The following PPP3CC variants were observed in gnomAD, a reference collection of about 807,000 sequenced individuals.
PPP3CC encodes serine/threonine-protein phosphatase 2B catalytic subunit gamma isoform.
A neutral mutation model predicts 60.3 loss-of-function variants in PPP3CC; 35 were observed. That is an observed-to-expected ratio of 0.58 (90% confidence interval 0.44 to 0.77). PPP3CC has a LOEUF of 0.77. Ranked by LOEUF, PPP3CC falls within the 30% of genes least tolerant of loss-of-function variation. The pLI, the probability that PPP3CC is intolerant of heterozygous loss-of-function variation, is 0.00. For missense variants in PPP3CC, 570 were observed against 628.9 expected (o/e 0.91, Z 1.00); for synonymous variants, 206 against 224.3 (o/e 0.92, Z 0.73).
chr8:22,511,322 CTCTT>C, intron 5 of PPP3CC, 91 bp downstream of exon 5: 1 of 1,351,888 alleles, frequency 7.4e-7, no homozygotes, highest in Non-Finnish European at 1.0e-6. Context: ...CAGAGTCTCT[CTCTT>C]TCACCCGGGC....
chr8:22,519,707 T>A (rs1393169180), intron 6 of PPP3CC, among the ~76,000 whole-genome samples: 1 of 152,166 alleles, frequency 6.6e-6, no homozygotes, highest in Non-Finnish European at 1.5e-5. Flanking sequence ...TAGGCTGGAG[T>A]GCAGTGGTGC....
At chr8:22,449,443 A>C (rs1409486499) in intron 1 of PPP3CC, among the ~76,000 whole-genome samples, 38 of 79,756 alleles carry the variant, frequency 4.8e-4, no homozygotes, top group Non-Finnish European at 6.9e-4. Context: ...CTGAGACCCC[A>C]TCTCAAAAAA....
intron 4 of PPP3CC, among the ~76,000 whole-genome samples, chr8:22,499,312 G>A (rs1196955427): frequency 2.6e-5 from 4 of 151,048 alleles, no homozygotes; most frequent in Non-Finnish European, 5.9e-5. Context: ...GGTGGCGGGC[G>A]CCTGTAGTCC....
At chr8:22,539,674 T>C (rs970011127) in intron 13 of PPP3CC, among the ~76,000 whole-genome samples, 176 bp downstream of exon 13, 1 of 152,268 alleles carries the variant, frequency 6.6e-6, no homozygotes, top group Non-Finnish European at 1.5e-5. Context: ...GTCCTATCTT[T>C]GCATTAATTT....
At chr8:22,490,903 G>T (rs1037573834) in intron 3 of PPP3CC, among the ~76,000 whole-genome samples, 1 of 152,004 alleles carries the variant, frequency 6.6e-6, no homozygotes, top group African/African-American at 2.4e-5. Context: ...GAATAGTGCC[G>T]CAATAAACAT....
chr8:22,484,522 A>G (rs139988421), intron 3 of PPP3CC, among the ~76,000 whole-genome samples: 1 of 152,344 alleles, frequency 6.6e-6, no homozygotes, highest in Non-Finnish European at 1.5e-5. Context: ...TTCTTTTTTA[A>G]AACAGGCAAT....
At chr8:22,531,375 C>T in intron 10 of PPP3CC, 3 of 1,480,522 alleles carry the variant, frequency 2.0e-6, no homozygotes, top group Non-Finnish European at 2.7e-6. Context: ...CTCTCTGTCC[C>T]ACCATAGTCT....
intron 4 of PPP3CC, among the ~76,000 whole-genome samples, chr8:22,506,783 TA>T (rs1171648299): frequency 3.3e-5 from 5 of 150,116 alleles, no homozygotes; most frequent in Admixed American, 2.0e-4. Flanking sequence ...CTACTAAAAA[TA>T]AAAAAAAATT....
At chr8:22,481,127 T>A (rs1838052105) in intron 3 of PPP3CC, among the ~76,000 whole-genome samples, 1 of 151,772 alleles carries the variant, frequency 6.6e-6, no homozygotes, top group African/African-American at 2.4e-5. Context: ...TGAGGTCAGG[T>A]GTTTGAGTCC....
chr8:22,454,782 T>C (rs58833753), intron 1 of PPP3CC, among the ~76,000 whole-genome samples: 2,944 of 152,236 alleles, frequency 0.019, 57 homozygotes, highest in East Asian at 0.085. Context: ...ATTGAAAGGA[T>C]TTAAGGCTGG....
chr8:22,505,435 T>A (rs959058079), intron 4 of PPP3CC, among the ~76,000 whole-genome samples: 12 of 152,310 alleles, frequency 7.9e-5, no homozygotes, highest in East Asian at 3.9e-4. Context: ...CTGGATTTTT[T>A]AAAAAAATAA....
At position 22,539,532 on chromosome 8, in the gene PPP3CC, T is replaced by C. The variant is rs368621742; in HGVS notation, c.1351+34T>C. On this transcript the variant is annotated intron_variant, in intron 13 of 13. Coordinates refer to ENST00000240139, the MANE Select transcript of PPP3CC (RefSeq NM_005605.5). ...ATATTACTCTGATAGATGTGATCCA[T>C]GTGTCTGTGTACTGGTTTTTCGAAG... The C allele has an allele frequency of 9.5e-5, 153 of 1,605,620 alleles. 1 individual carries two copies. The highest frequency in any genetic ancestry group is 1.2e-4 in the Non-Finnish European group (141 of 1,174,350).
intron 12 of PPP3CC, among the ~76,000 whole-genome samples, chr8:22,533,670 G>A (rs1283175380): frequency 6.6e-6 from 1 of 151,556 alleles, no homozygotes. Flanking sequence ...ACTAAAAATA[G>A]AAAAATTAGC....
At chr8:22,448,418 T>C (rs1836902472) in intron 1 of PPP3CC, among the ~76,000 whole-genome samples, 1 of 151,490 alleles carries the variant, frequency 6.6e-6, no homozygotes, top group Non-Finnish European at 1.5e-5. Flanking sequence ...TCGCTCTTGT[T>C]GCCCAGGCTG....
chr8:22,475,691 C>G (rs767398664), intron 3 of PPP3CC, 67 bp downstream of exon 3: 1 of 1,418,056 alleles, frequency 7.1e-7, no homozygotes, highest in African/African-American at 1.5e-5. Flanking sequence ...TTCCATTCTT[C>G]AGTAGAAGAA....
intron 4 of PPP3CC, among the ~76,000 whole-genome samples, chr8:22,509,966 G>C (rs1306983890): frequency 1.3e-5 from 2 of 152,064 alleles, no homozygotes; most frequent in Non-Finnish European, 2.9e-5. Flanking sequence ...CAGGCGGATT[G>C]CGGGGTCAGG....
At chr8:22,528,214 C>T (rs1053135191) in intron 9 of PPP3CC, among the ~76,000 whole-genome samples, 2 of 152,136 alleles carry the variant, frequency 1.3e-5, no homozygotes, top group Non-Finnish European at 2.9e-5. Context: ...AATTTTCTCA[C>T]GTGTGTATCA....
intron 1 of PPP3CC, among the ~76,000 whole-genome samples, chr8:22,468,413 C>G (rs1374352944): frequency 6.6e-6 from 1 of 152,134 alleles, no homozygotes; most frequent in East Asian, 1.9e-4. Flanking sequence ...CCAGAAGTTG[C>G]TAGTCATTCT....
chr8:22,476,714 C>T (rs1266763018), intron 3 of PPP3CC, among the ~76,000 whole-genome samples: 2 of 152,022 alleles, frequency 1.3e-5, no homozygotes, highest in South Asian at 2.1e-4. Flanking sequence ...AGGCAGATTA[C>T]GAAGTCAGGA....
Sources: allele counts gnomAD v4.1 joint callset (sites outside exome capture counted in the v4.1 genomes callset), GRCh38; gene constraint gnomAD v4.1.1; transcripts MANE v1.5; gene names NCBI Gene and HGNC (gene_info 2026-07-23, HGNC 2026-07-21).